Variants in TBC1D22A observed in about 807,000 individuals in gnomAD.
TBC1D22A encodes the protein putative GTPase activator.
A neutral mutation model predicts 60.2 loss-of-function variants in TBC1D22A; 38 were observed. The observed-to-expected ratio is 0.63, with a 90% confidence interval of 0.49 to 0.83. TBC1D22A has a LOEUF of 0.83. TBC1D22A is among the 40% of genes least tolerant of loss of function. TBC1D22A has a pLI of 0.00. For missense variants in TBC1D22A, 628 were observed against 701.0 expected (o/e 0.90, Z 1.18); for synonymous variants, 302 against 281.7 (o/e 1.07, Z -0.72).
chr22:46,903,472 C>T (rs960472074), intron 7 of TBC1D22A, among the ~76,000 whole-genome samples: 2 of 152,196 alleles, frequency 1.3e-5, no homozygotes, highest in African/African-American at 4.8e-5. Flanking sequence ...AATTTGGGGA[C>T]CTGTCGGCTC....
At position 47,174,010 on chromosome 22, in the gene TBC1D22A, A is replaced by C. The variant is rs574359073; in HGVS notation, c.*384A>C. 105 of 204,352 alleles carry C rather than the reference A, an allele frequency of 5.1e-4. No homozygotes were observed. Among genetic ancestry groups the C allele is most frequent in the Non-Finnish European group, 9.2e-4 (92 of 99,562 alleles). 12.7% of individuals were successfully genotyped at this position (204,352 alleles called of 1,614,324 possible). A position where few individuals can be genotyped will look rare whatever the true frequency, so the allele number is the denominator to read the frequency against. On this transcript the variant is annotated 3_prime_UTR_variant, in exon 13 of 13. Transcript: ENST00000337137. ...CTGGGTGCCAGGGCCGGAACGAGGTAGTGGCCATCTCATACCTACTCTGAA... is the reference window on the plus strand; with the variant it reads ...CTGGGTGCCAGGGCCGGAACGAGGTCGTGGCCATCTCATACCTACTCTGAA...
intron 8 of TBC1D22A, among the ~76,000 whole-genome samples, chr22:46,938,045 TAAA>T (rs2071760541): frequency 6.6e-6 from 1 of 152,178 alleles, no homozygotes; most frequent in Non-Finnish European, 1.5e-5. Context: ...TTAATAATAA[TAAA>T]TGTCGTGTGG....
At chr22:47,097,999 T>G (rs2147654362) in intron 11 of TBC1D22A, among the ~76,000 whole-genome samples, 1 of 152,204 alleles carries the variant, frequency 6.6e-6, no homozygotes, top group Middle Eastern at 3.4e-3. Context: ...GCAGCTGTCC[T>G]TTGGAGCAGC....
chr22:46,872,194 C>T (rs1438991281), intron 4 of TBC1D22A, among the ~76,000 whole-genome samples: 1 of 152,116 alleles, frequency 6.6e-6, no homozygotes, highest in Non-Finnish European at 1.5e-5. Context: ...GACCAGATGG[C>T]TTTGTCGGTG....
intron 11 of TBC1D22A, among the ~76,000 whole-genome samples, chr22:47,078,361 A>C (rs2064313121): frequency 6.6e-6 from 1 of 152,202 alleles, no homozygotes; most frequent in African/African-American, 2.4e-5. Flanking sequence ...TAAATGTAGA[A>C]AAAGGGTGAG....
At chr22:47,093,399 T>A (rs1052711239) in intron 11 of TBC1D22A, among the ~76,000 whole-genome samples, 2 of 152,116 alleles carry the variant, frequency 1.3e-5, no homozygotes, top group African/African-American at 4.8e-5. Flanking sequence ...GTGTGCATTT[T>A]TCTGGTTTAA....
chr22:46,888,956 G>A lies in TBC1D22A; in HGVS notation c.709-2310G>A, dbSNP rs544195753. On this transcript the variant is annotated intron_variant, in intron 5 of 12. Transcript: ENST00000337137. Reference sequence around the variant, plus strand: ...CCTGACGTCGTGATCTGCCTGCCTCGGCCTCCCAAAGTGCTGGGATTACAG... The same window carrying A: ...CCTGACGTCGTGATCTGCCTGCCTCAGCCTCCCAAAGTGCTGGGATTACAG... 1.7e-4 allele frequency among the ~76,000 whole-genome samples: 26 copies of A among 152,230 alleles called. No homozygotes were observed. The South Asian group carries it at 3.3e-3, about 19-fold the overall frequency.
intron 11 of TBC1D22A, among the ~76,000 whole-genome samples, chr22:47,103,396 A>G (rs1406445671): frequency 6.6e-6 from 1 of 152,184 alleles, no homozygotes; most frequent in Non-Finnish European, 1.5e-5. Flanking sequence ...GGGTTTATCT[A>G]GGGGAACAAA....
At position 47,028,754 on chromosome 22, in the gene TBC1D22A, A is replaced by C. The variant is rs1051098753; in HGVS notation, c.1202-8317A>C. On this transcript the variant is annotated intron_variant, in intron 10 of 12. Transcript: ENST00000337137. The surrounding 1 kb of genome is among the most constrained non-coding windows in gnomAD (Gnocchi z 4.4). The stretch of plus-strand genomic sequence containing the variant: ...ACGGTGGAGAAGTTATCTTGAGGGA[A>C]TGTGTTTGCAGTTTGGCCTCTGCCT... Among the ~76,000 whole-genome samples the C allele has an allele frequency of 6.6e-6, 1 of 152,192 alleles. No homozygotes were observed. The highest frequency in any genetic ancestry group is 2.4e-5 in the African/African-American group (1 of 41,450).
chr22:46,830,894 G>A (rs992506753), intron 4 of TBC1D22A, among the ~76,000 whole-genome samples: 1 of 152,094 alleles, frequency 6.6e-6, no homozygotes, highest in Admixed American at 6.5e-5. Context: ...AGCTGTTGGA[G>A]TGGGGATGCT....
chr22:47,077,903 G>A (rs1043177189), intron 11 of TBC1D22A, among the ~76,000 whole-genome samples: 4 of 152,206 alleles, frequency 2.6e-5, no homozygotes, highest in Admixed American at 1.3e-4. Context: ...ACAGAACTTG[G>A]CCCACAGTCT....
At chr22:47,089,347 G>A (rs1405859688) in intron 11 of TBC1D22A, among the ~76,000 whole-genome samples, 2 of 152,242 alleles carry the variant, frequency 1.3e-5, no homozygotes, top group South Asian at 4.1e-4. Flanking sequence ...CAGGCAGAGC[G>A]GGGGTCGGTA....
At chr22:47,030,187 T>G (rs73470003) in intron 10 of TBC1D22A, among the ~76,000 whole-genome samples, 2,072 of 152,302 alleles carry the variant, frequency 0.014, 25 homozygotes, top group Middle Eastern at 0.054. Context: ...AGCCTATTCA[T>G]GGCTGTCCCA....
chr22:47,167,866 G>A (rs2068267441), intron 12 of TBC1D22A, among the ~76,000 whole-genome samples: 1 of 152,256 alleles, frequency 6.6e-6, no homozygotes, highest in South Asian at 2.1e-4. Flanking sequence ...AGAACTGGCA[G>A]TTAGGTGCTC....
At chr22:47,083,271 T>A in intron 11 of TBC1D22A, among the ~76,000 whole-genome samples, 1 of 152,052 alleles carries the variant, frequency 6.6e-6, no homozygotes, top group East Asian at 1.9e-4. Context: ...TTTGCTTAGA[T>A]CTCTGTGTTT....
chr22:47,093,568 C>T (rs571630249), intron 11 of TBC1D22A, among the ~76,000 whole-genome samples: 44 of 152,190 alleles, frequency 2.9e-4, no homozygotes, highest in South Asian at 6.2e-4. Context: ...CCCGGCTTCC[C>T]AGTGCATGTT....
At chr22:46,862,336 A>G (rs1166558112) in intron 4 of TBC1D22A, among the ~76,000 whole-genome samples, 1 of 152,060 alleles carries the variant, frequency 6.6e-6, no homozygotes, top group African/African-American at 2.4e-5. Flanking sequence ...TGGCCCAAGG[A>G]GGCTGTGGGC....
At chr22:47,173,001 T>C (rs767150642) in intron 12 of TBC1D22A, among the ~76,000 whole-genome samples, 6 of 152,352 alleles carry the variant, frequency 3.9e-5, no homozygotes, top group South Asian at 4.1e-4. Context: ...TAGTGGCAGT[T>C]CCAGGGGTGC....
chr22:46,773,337 C>T (rs540514819), intron 1 of TBC1D22A, among the ~76,000 whole-genome samples: 96 of 152,298 alleles, frequency 6.3e-4, no homozygotes, highest in Middle Eastern at 6.8e-3. Flanking sequence ...AGTCGGGGAG[C>T]GTGTCTGTGT....
Sources: allele counts gnomAD v4.1 joint callset (sites outside exome capture counted in the v4.1 genomes callset), GRCh38; gene constraint gnomAD v4.1.1; non-coding constraint Gnocchi (gnomAD v3.1); transcripts MANE v1.5; gene names NCBI Gene and HGNC (gene_info 2026-07-23, HGNC 2026-07-21).